Variants in N4BP3 observed in about 807,000 individuals in gnomAD.
The protein encoded by N4BP3 is NEDD4 binding protein 3, also known as NEDD4-binding protein 3.
A neutral mutation model predicts 43.8 loss-of-function variants in N4BP3; 33 were observed. The ratio of observed to expected loss-of-function variants is 0.75; its 90% confidence interval spans 0.57 to 1.01. The LOEUF (loss-of-function observed/expected upper bound fraction) is 1.01. N4BP3 is among the 50% of genes least tolerant of loss of function. The pLI is 0.00. For missense variants in N4BP3, 756 were observed against 744.2 expected (o/e 1.02, Z -0.18); for synonymous variants, 326 against 321.9 (o/e 1.01, Z -0.14).
At position 178,122,038 on chromosome 5, in the gene N4BP3, G is replaced by C. The variant is rs1757944431; in HGVS notation, c.*37G>C. 1 of 1,543,992 alleles carries C rather than the reference G, an allele frequency of 6.5e-7. No individual in the cohort carries two copies. Among genetic ancestry groups the C allele is most frequent in the African/African-American group, 1.4e-5 (1 of 73,300 alleles). ...CGAGCTGACAGCAGCAACACTGTCA[G>C]AAGGTGCCCTGAGACGGCCGGCTCA... On this transcript the variant is annotated 3_prime_UTR_variant, in exon 5 of 5. Coordinates refer to ENST00000274605, the MANE Select transcript of N4BP3 (RefSeq NM_015111.2).
intron 1 of N4BP3, among the ~76,000 whole-genome samples, chr5:178,116,756 G>T (rs1231656048): frequency 6.6e-6 from 1 of 152,180 alleles, no homozygotes; most frequent in Non-Finnish European, 1.5e-5. Context: ...GAACCTGGGG[G>T]TCGGTTATCT....
In N4BP3 at chr5:178,122,103, C is replaced by T; in HGVS notation, c.*102C>T. The T allele has an allele frequency of 7.2e-7, 1 of 1,386,854 alleles. No individual in the cohort carries two copies. 85.9% of individuals were successfully genotyped at this position (1,386,854 alleles called of 1,614,324 possible). A position where few individuals can be genotyped will look rare whatever the true frequency, so the allele number is the denominator to read the frequency against. ...TGGTTGGGGTGGAACCTGCAGAGGC[C>T]AGCCCGGGGCTGGGGAGGCGCAAGG... On this transcript the variant is annotated 3_prime_UTR_variant, in exon 5 of 5. Transcript: ENST00000274605.
At position 178,121,308 on chromosome 5, in the gene N4BP3, G is replaced by C. The variant is rs868090976; in HGVS notation, c.1063G>C (p.Glu355Gln). The C allele has an allele frequency of 3.7e-6, 6 of 1,605,956 alleles. No individual in the cohort carries two copies. Among genetic ancestry groups the C allele is most frequent in the Middle Eastern group, 1.7e-4 (1 of 6,042 alleles). ...PEPRAPGTLP[E>Q]ADPSARPEEE... ...GCCTCGGGCCCCCGGCACCCTCCCA[G>C]AGGCTGACCCCAGTGCACGACCAGA... Residue 355 changes from glutamate (E) to glutamine (Q), a missense_variant, in exon 4 of 5, where the codon GAG (glutamate) becomes CAG (glutamine). Transcript: ENST00000274605.
chr5:178,116,595 C>T (rs575310494), intron 1 of N4BP3, among the ~76,000 whole-genome samples: 2 of 152,170 alleles, frequency 1.3e-5, no homozygotes, highest in Non-Finnish European at 2.9e-5. Context: ...TGGACGTGAC[C>T]GTCTGCACCG....
rs1010484035 is a variant in N4BP3, at chr5:178,119,896, C to T, written c.313C>T (p.Arg105Trp). The T allele has an allele frequency of 6.2e-6, 10 of 1,607,046 alleles. No individual in the cohort carries two copies. The South Asian group carries it at 6.6e-5, about 11-fold the overall frequency. The change falls in exon 2 of 5, where the codon CGG becomes TGG. Residue 105 changes from arginine to tryptophan, a missense_variant. Physicochemically the swap from Arg to Trp is moderately radical, Grantham distance 101. Transcript: ENST00000274605. ...GDFSKTSLPE[R>W]GRFDKCRIRP... ...CTTCAGCAAGACCTCGCTGCCAGAA[C>T]GGGGTCGCTTTGACAAGGTGCACCT...
At position 178,122,545 on chromosome 5, in the gene N4BP3, A is replaced by G. The variant is rs1162744637; in HGVS notation, c.*544A>G. The stretch of plus-strand genomic sequence containing the variant: ...GCGCCTGTCTGCATGGCCACTGGGC[A>G]TGTGTGTTGGGAGCAGAGGAGTCCT... On this transcript the variant is annotated 3_prime_UTR_variant, in exon 5 of 5. Coordinates refer to ENST00000274605, the MANE Select transcript of N4BP3 (RefSeq NM_015111.2). The G allele has an allele frequency of 6.4e-6, 1 of 156,176 alleles. No individual in the cohort carries two copies. Among genetic ancestry groups the G allele is most frequent in the African/African-American group, 2.4e-5 (1 of 41,464 alleles). The allele number at this position is 156,176 out of a possible 1,614,324, so 9.7% of individuals were successfully genotyped here.
rs1324287454 is a variant in N4BP3, at chr5:178,124,307, T to A, written c.*2306T>A. 6.5e-6 allele frequency: 1 copy of A among 152,780 alleles called. No homozygotes were observed. Among genetic ancestry groups the A allele is most frequent in the African/African-American group, 2.4e-5 (1 of 41,410 alleles). The allele number at this position is 152,780 out of a possible 1,614,324, so 9.5% of individuals were successfully genotyped here. A position where few individuals can be genotyped will look rare whatever the true frequency, so the allele number is the denominator to read the frequency against. ...GCCAGAAACCAAAGCCAGGCCCAGA[T>A]GTAGGGGGAGGGCACGAGAGCTGAA... On this transcript the variant is annotated 3_prime_UTR_variant, in exon 5 of 5. Transcript: ENST00000274605.
Position 178,120,205 on chromosome 5 carries a change from C to T in N4BP3, c.358C>T (p.Pro120Ser), listed in dbSNP as rs1356416893. 8 of 1,588,794 alleles carry T rather than the reference C, an allele frequency of 5.0e-6. No individual in the cohort carries two copies. The highest frequency in any genetic ancestry group is 3.4e-5 in the South Asian group (3 of 88,850). ...CCGCATTCGCCCCTCAGTGTTCAAG[C>T]CTACGGCGGGCAACGGGAAAGGCTT... ...KCRIRPSVFK[P>S]TAGNGKGFLS... The change falls in exon 3 of 5, where the codon CCT becomes TCT. Residue 120 changes from proline (P) to serine (S), a missense_variant. Physicochemically the swap from Pro to Ser is moderately conservative, Grantham distance 74 (BLOSUM62 -1). Transcript: ENST00000274605.
rs1372174493 is a variant in N4BP3 at position 178,120,369 on chromosome 5, C to T, written c.522C>T (p.Ala174=). 1.9e-6 allele frequency: 3 copies of T among 1,610,568 alleles called. No homozygotes were observed. The highest frequency in any genetic ancestry group is 2.5e-6 in the Non-Finnish European group (3 of 1,178,234). The stretch of plus-strand genomic sequence containing the variant: ...AGGCCCGGGCACAGCTGCTGCACGC[C>T]CTCAGCCTAGATGAGGGCGGCCCTG... ...ASQARAQLLH[A]LSLDEGGPEP... The change falls in exon 3 of 5, where the codon GCC becomes GCT. Residue 174 remains alanine, a synonymous_variant. Coordinates refer to ENST00000274605, the MANE Select transcript of N4BP3 (RefSeq NM_015111.2).
In N4BP3 at chr5:178,120,633, G is replaced by A; in HGVS notation, c.786G>A (p.Leu262=). ...CTGCCGAGGAAATGGGAGCCGTGCT[G>A]CCCGAGACCTGTGAGGAGCTCAAGA... The part of the protein sequence containing the change: ...CSSAEEMGAV[L]PETCEELKRG... Residue 262 remains leucine, a synonymous_variant, in exon 3 of 5, where the codon CTG becomes CTA. Transcript: ENST00000274605. 1 of 1,608,288 alleles carries A rather than the reference G, an allele frequency of 6.2e-7. No individual in the cohort carries two copies. The highest frequency in any genetic ancestry group is 8.5e-7 in the Non-Finnish European group (1 of 1,179,952).
chr5:178,119,988 G>A, intron 2 of N4BP3, 75 bp downstream of exon 2: 2 of 1,466,540 alleles, frequency 1.4e-6, no homozygotes, highest in Non-Finnish European at 1.8e-6. Flanking sequence ...GTTGGGATGG[G>A]GTGGGGACGG....
At chr5:178,116,457 G>C (rs1013512724) in intron 1 of N4BP3, among the ~76,000 whole-genome samples, 6 of 152,188 alleles carry the variant, frequency 3.9e-5, no homozygotes, top group African/African-American at 1.4e-4. Flanking sequence ...GGAAGGGGCT[G>C]TCTGCTGCTC....
intron 1 of N4BP3, among the ~76,000 whole-genome samples, chr5:178,117,652 C>T (rs1365296560): frequency 7.4e-6 from 1 of 135,964 alleles, no homozygotes; most frequent in African/African-American, 2.7e-5. Context: ...GGGACAATAA[C>T]TCTGTCACAG....
Position 178,120,253 on chromosome 5 carries a change from T to C in N4BP3, c.406T>C (p.Ser136Pro), listed in dbSNP as rs1288405102. 1.2e-6 allele frequency: 2 copies of C among 1,608,066 alleles called. No individual in the cohort carries two copies. The highest frequency in any genetic ancestry group is 2.2e-5 in the East Asian group (1 of 44,698). The change falls in exon 3 of 5, where the codon TCC becomes CCC. Residue 136 changes from serine to proline, a missense_variant. Transcript: ENST00000274605. ...KGFLSMQSLA[S>P]HKGQKLWRSN... ...CTTCCTATCCATGCAAAGTCTGGCGTCCCACAAAGGCCAGAAGCTGTGGCG... is the reference window on the plus strand; with the variant it reads ...CTTCCTATCCATGCAAAGTCTGGCGCCCCACAAAGGCCAGAAGCTGTGGCG...
intron 3 of N4BP3, 95 bp from the exon 4 acceptor site, chr5:178,121,003 G>C: frequency 6.9e-7 from 1 of 1,452,242 alleles, no homozygotes; most frequent in Non-Finnish European, 9.1e-7. Flanking sequence ...TGGTGTAGGG[G>C]CACAGGATAT....
At position 178,120,355 on chromosome 5, in the gene N4BP3, C is replaced by T. The variant is rs367939456; in HGVS notation, c.508C>T (p.Gln170Ter). 1.2e-6 allele frequency: 2 copies of T among 1,608,176 alleles called. No individual in the cohort carries two copies. Among genetic ancestry groups the T allele is most frequent in the African/African-American group, 1.3e-5 (1 of 74,770 alleles). ...GCCCCGGGCCAGCCAGGCCCGGGCA[C>T]AGCTGCTGCACGCCCTCAGCCTAGA... ...PGPRASQARA[Q>*]LLHALSLDEG... is the part of the protein sequence containing the mutation. The change falls in exon 3 of 5, where the codon CAG (glutamine) becomes TAG (stop). Residue 170 changes from glutamine to a stop codon, truncating the protein, a stop_gained. Transcript: ENST00000274605. LOFTEE classifies it high-confidence loss of function.
At chr5:178,114,731 G>A (rs962320419) in intron 1 of N4BP3, among the ~76,000 whole-genome samples, 4 of 152,204 alleles carry the variant, frequency 2.6e-5, no homozygotes, top group Non-Finnish European at 4.4e-5. Context: ...GTGAATGAAT[G>A]CGGCCAGCCT....
intron 1 of N4BP3, among the ~76,000 whole-genome samples, chr5:178,116,567 T>C (rs979051342): frequency 3.3e-5 from 5 of 152,222 alleles, no homozygotes; most frequent in African/African-American, 9.6e-5. Flanking sequence ...TGCACAGCTG[T>C]ATGATTGTGT....
At position 178,120,513 on chromosome 5, in the gene N4BP3, G is replaced by A; in HGVS notation, c.666G>A (p.Leu222=). ...ACCTTAACCACCTCGGGGGCTCCCT[G>A]GACCGGGCCTCTCAAGGACCCAAGG... The part of the protein sequence containing the change: ...LGHLNHLGGS[L]DRASQGPKEA... Residue 222 remains leucine (L), a synonymous_variant, in exon 3 of 5, where the codon CTG becomes CTA. Coordinates refer to ENST00000274605, the MANE Select transcript of N4BP3 (RefSeq NM_015111.2). 6.2e-7 allele frequency: 1 copy of A among 1,613,074 alleles called. No individual in the cohort carries two copies. The highest frequency in any genetic ancestry group is 8.5e-7 in the Non-Finnish European group (1 of 1,180,028).
Sources: gnomAD v4.1 joint callset for allele counts (sites outside exome capture counted in the v4.1 genomes callset) on GRCh38, gnomAD v4.1.1 for gene constraint, MANE v1.5 for transcripts, NCBI Gene and HGNC (gene_info 2026-07-23, HGNC 2026-07-21) for gene names.